Variants in PLD1 observed in about 807,000 individuals in gnomAD.
PLD1 encodes choline phosphatase 1.
In PLD1, 112 loss-of-function variants were observed where a neutral mutation model predicts 137.1. That is an observed-to-expected ratio of 0.82 (90% CI 0.70 to 0.96). PLD1 has a LOEUF of 0.96. Ranked by LOEUF, PLD1 falls within the 40% of genes least tolerant of loss-of-function variation. The pLI, the probability that PLD1 is intolerant of heterozygous loss-of-function variation, is 0.00. For missense variants in PLD1, 1,321 were observed against 1,342.0 expected (o/e 0.98, Z 0.24); for synonymous variants, 431 against 454.7 (o/e 0.95, Z 0.66).
intron 19 of PLD1, among the ~76,000 whole-genome samples, chr3:171,668,396 G>A (rs1318121791): frequency 6.6e-6 from 1 of 152,138 alleles, no homozygotes; most frequent in African/African-American, 2.4e-5. Context: ...ACACCATTCT[G>A]GGATACAAAA....
chr3:171,748,906 T>C (rs1160363466), intron 1 of PLD1, among the ~76,000 whole-genome samples: 2 of 150,596 alleles, frequency 1.3e-5, no homozygotes, highest in Non-Finnish European at 2.9e-5. Flanking sequence ...GTAAGACCCC[T>C]GCCCAAAGTC....
At chr3:171,778,359 T>G (rs1004460055) in intron 1 of PLD1, among the ~76,000 whole-genome samples, 2 of 152,174 alleles carry the variant, frequency 1.3e-5, no homozygotes, top group Admixed American at 1.3e-4. Context: ...GAGTTTATAT[T>G]CTATTAGGGA....
At chr3:171,666,074 T>C (rs1220638140) in intron 19 of PLD1, among the ~76,000 whole-genome samples, 1 of 152,230 alleles carries the variant, frequency 6.6e-6, no homozygotes, top group African/African-American at 2.4e-5. Context: ...ACCATTGAAC[T>C]ACAGGCAGGG....
At chr3:171,733,713 T>C (rs1719125966) in intron 5 of PLD1, among the ~76,000 whole-genome samples, 1 of 152,200 alleles carries the variant, frequency 6.6e-6, no homozygotes. Flanking sequence ...TATTTAAATA[T>C]CTTCTTACTG....
chr3:171,604,817 T>C (rs1732081587), intron 26 of PLD1, among the ~76,000 whole-genome samples: 1 of 152,220 alleles, frequency 6.6e-6, no homozygotes, highest in South Asian at 2.1e-4. Flanking sequence ...GCTAAAACCA[T>C]TCACTAGACT....
chr3:171,731,259 AT>A (rs1340274991), intron 6 of PLD1, among the ~76,000 whole-genome samples: 2 of 152,216 alleles, frequency 1.3e-5, no homozygotes, highest in Non-Finnish European at 2.9e-5. Flanking sequence ...ACAGTAAAGC[AT>A]TTTTTAACAG....
intron 13 of PLD1, among the ~76,000 whole-genome samples, chr3:171,690,476 C>A (rs1454142742): frequency 6.6e-6 from 1 of 152,026 alleles, no homozygotes; most frequent in African/African-American, 2.4e-5. Context: ...CTTCTTCTTG[C>A]AAGTATAGCT....
rs192285248 is a variant in PLD1, at chr3:171,684,109, A to G, written c.1867+2576T>C. The stretch of plus-strand genomic sequence containing the variant: ...ACTTTTCATCAGCAACACCATACAC[A>G]TGTATGATCAGTGTCTCAGATCACC... On this transcript the variant is annotated intron_variant, in intron 16 of 26. Transcript: ENST00000351298. Among the ~76,000 whole-genome samples, 200 of 152,296 alleles carry G rather than the reference A, an allele frequency of 1.3e-3. 1 individual carries two copies. The highest frequency in any genetic ancestry group is 4.0e-3 in the Admixed American group (61 of 15,294).
chr3:171,731,762 A>T (rs924694625), intron 6 of PLD1, among the ~76,000 whole-genome samples: 3 of 151,700 alleles, frequency 2.0e-5, no homozygotes, highest in Admixed American at 6.6e-5. Context: ...ACAGAGCAAG[A>T]CTCCATCCCA....
chr3:171,646,395 T>C (rs990842499), intron 21 of PLD1, among the ~76,000 whole-genome samples: 5 of 152,188 alleles, frequency 3.3e-5, no homozygotes, highest in Non-Finnish European at 5.9e-5. Flanking sequence ...ATTTTATTAC[T>C]GATGTCTCTA....
At chr3:171,774,569 G>A (rs1281641465) in intron 1 of PLD1, among the ~76,000 whole-genome samples, 3 of 152,180 alleles carry the variant, frequency 2.0e-5, no homozygotes, top group African/African-American at 7.2e-5. Context: ...AAGGTAAGTA[G>A]GAGGAATGAG....
chr3:171,698,059 T>C (rs1715914299), intron 12 of PLD1, among the ~76,000 whole-genome samples: 1 of 152,188 alleles, frequency 6.6e-6, no homozygotes, highest in Non-Finnish European at 1.5e-5. Flanking sequence ...TGTACTAAAA[T>C]AGAATCTTGA....
chr3:171,738,156 A>G, intron 1 of PLD1, 74 bp from the exon 2 acceptor site: 1 of 853,120 alleles, frequency 1.2e-6, no homozygotes, highest in Non-Finnish European at 1.8e-6. Flanking sequence ...ATTTGAATCC[A>G]GACTTAGATA....
chr3:171,706,044 G>A (rs1311101923), intron 11 of PLD1, among the ~76,000 whole-genome samples: 2 of 152,030 alleles, frequency 1.3e-5, no homozygotes, highest in East Asian at 3.8e-4. Context: ...AAAGTCAGTG[G>A]CTTTAAAACT....
At chr3:171,807,652 G>C (rs1436226487) in intron 1 of PLD1, among the ~76,000 whole-genome samples, 3 of 152,196 alleles carry the variant, frequency 2.0e-5, no homozygotes, top group Non-Finnish European at 4.4e-5. Context: ...AGTCACTGTG[G>C]AAAGCAGTTG....
intron 1 of PLD1, among the ~76,000 whole-genome samples, chr3:171,778,897 A>G (rs1722680302): frequency 6.6e-6 from 1 of 152,236 alleles, no homozygotes; most frequent in African/African-American, 2.4e-5. Flanking sequence ...TGGGTAGGTA[A>G]AGAAAAGACT....
At chr3:171,727,834 A>C (rs1361459989) in intron 6 of PLD1, among the ~76,000 whole-genome samples, 8 of 152,208 alleles carry the variant, frequency 5.3e-5, no homozygotes, top group Non-Finnish European at 1.2e-4. Flanking sequence ...TTGTAAAAAA[A>C]AATTACAAAT....
chr3:171,694,330 G>T (rs1049265656), intron 12 of PLD1, among the ~76,000 whole-genome samples: 4 of 152,038 alleles, frequency 2.6e-5, no homozygotes, highest in African/African-American at 9.7e-5. Flanking sequence ...AATTATGCAA[G>T]TACTATTACA....
In PLD1 at chr3:171,730,699, C is replaced by T. The variant is rs186402552; in HGVS notation, c.606+2745G>A. Among the ~76,000 whole-genome samples the T allele has an allele frequency of 9.4e-3, 1,346 of 143,218 alleles. 33 individuals are homozygous for T. The highest frequency in any genetic ancestry group is 0.048 in the Admixed American group (666 of 13,826). The allele number at this position is 143,218 out of a possible 152,430, so 94.0% of individuals were successfully genotyped here. On this transcript the variant is annotated intron_variant, in intron 6 of 26. Transcript: ENST00000351298. ...TATAACCCAGGCTGGAGTGCAGTGG[C>T]GCAACTGTGGCTCGCTGCAACCTCC... is the stretch of plus-strand genomic sequence containing the variant.
Sources: allele counts gnomAD v4.1 joint callset (sites outside exome capture counted in the v4.1 genomes callset), GRCh38; gene constraint gnomAD v4.1.1; transcripts MANE v1.5; gene names NCBI Gene and HGNC (gene_info 2026-07-23, HGNC 2026-07-21).